Variants in CLEC16A observed in about 807,000 individuals in gnomAD.
The protein encoded by CLEC16A is C-type lectin domain containing 16A.
In CLEC16A, 51 loss-of-function variants were observed where a neutral mutation model predicts 109.5. The ratio of observed to expected loss-of-function variants is 0.47; its 90% CI spans 0.37 to 0.59. The LOEUF (loss-of-function observed/expected upper bound fraction) is 0.59, where lower values mean the gene tolerates loss of function less well. Ranked by LOEUF, CLEC16A falls within the 20% of genes least tolerant of loss-of-function variation. The pLI is 0.00. For synonymous variants in CLEC16A, 673 were observed against 564.2 expected, an observed-to-expected ratio of 1.19 and a Z score of -2.73; for missense variants, 1,339 against 1,394.0, an observed-to-expected ratio of 0.96 and a Z score of 0.63.
intron 17 of CLEC16A, among the ~76,000 whole-genome samples, chr16:11,049,157 A>G (rs2047794963): frequency 6.6e-6 from 1 of 151,792 alleles, no homozygotes; most frequent in Admixed American, 6.6e-5. Flanking sequence ...ACAGGCGCCC[A>G]CTACTACGCC....
intron 19 of CLEC16A, among the ~76,000 whole-genome samples, chr16:11,097,599 A>T (rs991818978): frequency 2.0e-5 from 3 of 152,172 alleles, no homozygotes. Context: ...CGGGGATGTT[A>T]TGAGCAATCC....
Position 11,132,012 on chromosome 16 carries a change from G to A in CLEC16A, c.2641+5866G>A, listed in dbSNP as rs889933539. Among the ~76,000 whole-genome samples the A allele has an allele frequency of 2.6e-5, 4 of 152,268 alleles. No individual in the cohort carries two copies. The South Asian group carries it at 6.2e-4, about 24-fold the overall frequency. On this transcript the variant is annotated intron_variant, in intron 22 of 23. Transcript: ENST00000409790. ...GCTCTGCTCCGATACCTCAAAAAGG[G>A]GCCTTCCCTGAGTGCCCAGGTCACC... is the stretch of plus-strand genomic sequence containing the variant.
At chr16:11,016,493 C>T (rs1295111529) in intron 11 of CLEC16A, among the ~76,000 whole-genome samples, 1 of 151,976 alleles carries the variant, frequency 6.6e-6, no homozygotes, top group African/African-American at 2.4e-5. Flanking sequence ...GGATTACAGG[C>T]GCCCGCCACC....
chr16:11,051,634 C>T lies in CLEC16A; in HGVS notation c.1988C>T (p.Thr663Ile), dbSNP rs1262220315. The change falls in exon 18 of 24, where the codon ACC becomes ATC. Residue 663 changes from threonine to isoleucine, a missense_variant. Transcript: ENST00000409790. ...KRLPCGDVEKTRRAIRVFFML... is the reference protein window; with the variant it reads ...KRLPCGDVEKIRRAIRVFFML... ...CTGCCGTGTGGCGATGTGGAGAAGA[C>T]CCGGCGGGTGAGTGAGCACAGGACC... 2.5e-6 allele frequency: 4 copies of T among 1,613,924 alleles called. No individual in the cohort carries two copies. Among genetic ancestry groups the T allele is most frequent in the Non-Finnish European group, 3.4e-6 (4 of 1,179,784 alleles).
chr16:11,086,638 G>A (rs1423652843), intron 19 of CLEC16A, among the ~76,000 whole-genome samples: 6 of 152,146 alleles, frequency 3.9e-5, no homozygotes, highest in Non-Finnish European at 5.9e-5. Context: ...CGCCTCCCAG[G>A]TTCAAGCGAT....
At chr16:11,059,100 T>G (rs1009822863) in intron 18 of CLEC16A, among the ~76,000 whole-genome samples, 3 of 152,226 alleles carry the variant, frequency 2.0e-5, no homozygotes, top group African/African-American at 7.2e-5. Context: ...AGCAGGTGTG[T>G]GAGCTGAAAT....
intron 22 of CLEC16A, among the ~76,000 whole-genome samples, chr16:11,131,397 A>G (rs968817154): frequency 2.6e-5 from 4 of 152,176 alleles, no homozygotes; most frequent in Admixed American, 6.5e-5. Context: ...GAAATGACCC[A>G]GGGGTGTCAG....
chr16:11,092,202 C>T (rs189335338), intron 19 of CLEC16A, among the ~76,000 whole-genome samples: 2 of 152,204 alleles, frequency 1.3e-5, no homozygotes, highest in East Asian at 1.9e-4. Context: ...AAACTAGCCA[C>T]GTGTGGTGGT....
intron 19 of CLEC16A, among the ~76,000 whole-genome samples, chr16:11,074,861 T>C (rs1157821624): frequency 6.6e-6 from 1 of 152,168 alleles, no homozygotes; most frequent in Non-Finnish European, 1.5e-5. Context: ...CTGTTTGAGC[T>C]TTTTTTGCCT....
chr16:11,174,446 CCT>C lies in CLEC16A; in HGVS notation c.2807-3888_2807-3887del, dbSNP rs1567421416. 6.6e-6 allele frequency among the ~76,000 whole-genome samples: 1 copy of C among 152,260 alleles called. No individual in the cohort carries two copies. The highest frequency in any genetic ancestry group is 2.4e-5 in the African/African-American group (1 of 41,476). On this transcript the variant is annotated intron_variant, in intron 23 of 23. Transcript: ENST00000409790. The surrounding 1 kb of genome is among the most constrained non-coding windows in gnomAD (Gnocchi z 4.7). Reference sequence around the variant, plus strand: ...CCCCCAAAGTTGGTTCTCCCTGCTCCCTGTCTGGCCTCACCTCATGTGAAGAC... The same window carrying C: ...CCCCCAAAGTTGGTTCTCCCTGCTCCGTCTGGCCTCACCTCATGTGAAGAC...
chr16:11,078,401 T>A (rs1355326974), intron 19 of CLEC16A, among the ~76,000 whole-genome samples: 2 of 152,190 alleles, frequency 1.3e-5, no homozygotes, highest in African/African-American at 4.8e-5. Context: ...CAGCACTCAG[T>A]GTCTGCTTTG....
chr16:11,120,910 C>A (rs943393923), intron 20 of CLEC16A, 144 bp downstream of exon 20: 3 of 933,102 alleles, frequency 3.2e-6, no homozygotes, highest in Non-Finnish European at 4.2e-6. Flanking sequence ...CAAATTGTCA[C>A]CCAAAAAAAA....
At chr16:10,998,723 C>G (rs767962464) in intron 10 of CLEC16A, among the ~76,000 whole-genome samples, 12 of 152,138 alleles carry the variant, frequency 7.9e-5, no homozygotes, top group Admixed American at 7.2e-4. Flanking sequence ...TACAAACATT[C>G]ATTCCTACAG....
intron 22 of CLEC16A, among the ~76,000 whole-genome samples, chr16:11,145,787 G>A (rs1458267184): frequency 6.6e-6 from 1 of 152,210 alleles, no homozygotes; most frequent in African/African-American, 2.4e-5. Context: ...TGCCCTCTAT[G>A]GTCCATTCTT....
At chr16:11,005,237 G>C (rs973796315) in intron 11 of CLEC16A, among the ~76,000 whole-genome samples, 1 of 152,202 alleles carries the variant, frequency 6.6e-6, no homozygotes, top group Non-Finnish European at 1.5e-5. Flanking sequence ...GCACACAGGG[G>C]CTTCAGGCCA....
chr16:10,997,149 A>G (rs1427607795), intron 10 of CLEC16A, among the ~76,000 whole-genome samples: 3 of 152,070 alleles, frequency 2.0e-5, no homozygotes, highest in Non-Finnish European at 2.9e-5. Flanking sequence ...TTTTGTAGAG[A>G]CAAGGTCTCA....
chr16:11,102,649 C>T (rs1208686768), intron 19 of CLEC16A, among the ~76,000 whole-genome samples: 5 of 152,216 alleles, frequency 3.3e-5, no homozygotes. Flanking sequence ...CTGGAAAGGT[C>T]GGTTGCCCTG....
intron 19 of CLEC16A, among the ~76,000 whole-genome samples, chr16:11,086,203 G>C (rs1464153140): frequency 6.6e-6 from 1 of 152,194 alleles, no homozygotes; most frequent in Non-Finnish European, 1.5e-5. Flanking sequence ...GAGGCTCAAG[G>C]AGGGCCCTGG....
intron 19 of CLEC16A, among the ~76,000 whole-genome samples, chr16:11,089,487 C>G (rs7187770): frequency 0.045 from 6,869 of 152,210 alleles, 549 homozygotes; most frequent in African/African-American, 0.16. Flanking sequence ...AGGAGGCAGT[C>G]CTAGCTGTGA....
Sources: gnomAD v4.1 joint callset for allele counts (sites outside exome capture counted in the v4.1 genomes callset) on GRCh38, gnomAD v4.1.1 for gene constraint, Gnocchi (gnomAD v3.1) non-coding constraint, MANE v1.5 for transcripts, NCBI Gene and HGNC (gene_info 2026-07-23, HGNC 2026-07-21) for gene names.